RANBP3: variants seen among roughly 807,000 people sequenced by gnomAD.
RANBP3 encodes RAN binding protein 3, also known as ran-binding protein 3.
RANBP3 carries 14 observed loss-of-function variants against 77.3 expected under a neutral mutation model. That is an observed-to-expected ratio of 0.18 (90% CI 0.12 to 0.28). RANBP3 has a LOEUF of 0.28. Ranked by LOEUF, RANBP3 falls within the 10% of genes least tolerant of loss-of-function variation. RANBP3 has a pLI of 1.00. For missense variants in RANBP3, 586 were observed against 752.3 expected (o/e 0.78, Z 2.59); for synonymous variants, 315 against 312.4 (o/e 1.01, Z -0.09).
chr19:5,972,096 T>C (rs910871665), intron 1 of RANBP3, among the ~76,000 whole-genome samples: 3 of 152,258 alleles, frequency 2.0e-5, no homozygotes, highest in East Asian at 1.9e-4. Flanking sequence ...AAATTAAATA[T>C]GTCTGCTTGC....
intron 2 of RANBP3, 88 bp downstream of exon 2, chr19:5,957,830 T>C: frequency 2.1e-6 from 3 of 1,454,536 alleles, no homozygotes; most frequent in Non-Finnish European, 2.9e-6. Context: ...AGAAGTGGCC[T>C]TGGCAATGCG....
intron 5 of RANBP3, among the ~76,000 whole-genome samples, chr19:5,940,377 G>A (rs1292836590): frequency 1.3e-5 from 2 of 152,186 alleles, no homozygotes; most frequent in South Asian, 4.1e-4. Context: ...CCTATCCACA[G>A]GTGCAAAGAT....
In RANBP3 at chr19:5,923,182, C is replaced by T; in HGVS notation, c.1209+12G>A. The stretch of plus-strand genomic sequence containing the variant: ...AAGACCCAGGGCCACCGAGGAGGGG[C>T]CGGCCCCTCACCTGTAACACATTGC... On this transcript the variant is annotated intron_variant, in intron 13 of 16. Transcript: ENST00000340578. The T allele has an allele frequency of 1.2e-6, 2 of 1,611,198 alleles. No individual in the cohort carries two copies. Among genetic ancestry groups the T allele is most frequent in the East Asian group, 4.5e-5 (2 of 44,864 alleles).
intron 1 of RANBP3, among the ~76,000 whole-genome samples, chr19:5,963,974 T>G (rs2058434104): frequency 6.6e-6 from 1 of 150,432 alleles, no homozygotes; most frequent in Non-Finnish European, 1.5e-5. Context: ...CCAGGGAGAG[T>G]CCCCTGCTGC....
chr19:5,921,950 C>T lies in RANBP3; in HGVS notation c.1210-629G>A, dbSNP rs1229687085. Among the ~76,000 whole-genome samples, 1 of 152,122 alleles carries T rather than the reference C, an allele frequency of 6.6e-6. No homozygotes were observed. The highest frequency in any genetic ancestry group is 1.5e-5 in the Non-Finnish European group (1 of 68,034). ...AGCGAGAGAAGCCAGACACGAAAGG[C>T]CACATAGTGCGTTGATGCCATTTAT... On this transcript the variant is annotated intron_variant, in intron 13 of 16. Coordinates refer to ENST00000340578, the MANE Select transcript of RANBP3 (RefSeq NM_007322.3). The surrounding 1 kb of genome is among the most constrained non-coding windows in gnomAD (Gnocchi z 5.3).
At chr19:5,932,590 GCCCC>G in intron 6 of RANBP3, 46 bp from the exon 7 acceptor site, 2 of 1,511,978 alleles carry the variant, frequency 1.3e-6, no homozygotes, top group Non-Finnish European at 1.8e-6. Context: ...ACCCCTGCCT[GCCCC>G]CAGGCGCTTC....
chr19:5,942,548 CA>C (rs1258368261), intron 3 of RANBP3, among the ~76,000 whole-genome samples: 2 of 151,438 alleles, frequency 1.3e-5, no homozygotes, highest in African/African-American at 2.4e-5. Flanking sequence ...ACTAAAAATA[CA>C]AAAAAAAGTA....
rs71172783 is a variant in RANBP3 at position 5,937,056 on chromosome 19, C to CAAAAAAAAAAAAAAAAAAAAA, written c.407-3598_407-3578dup. On this transcript the variant is annotated intron_variant, in intron 5 of 16. Transcript: ENST00000340578. ...GGGCAACAGAGCAAGACTCTGTCTCCAAAAAAAAAAAAAAAAAAAAAAAAA... is the reference window on the plus strand; with the variant it reads ...GGGCAACAGAGCAAGACTCTGTCTCCAAAAAAAAAAAAAAAAAAAAAAAAAAAAAAAAAAAAAAAAAAAAAA... 2.3e-3 allele frequency among the ~76,000 whole-genome samples: 87 copies of CAAAAAAAAAAAAAAAAAAAAA among 37,172 alleles called. 7 individuals are homozygous for CAAAAAAAAAAAAAAAAAAAAA. Among genetic ancestry groups the CAAAAAAAAAAAAAAAAAAAAA allele is most frequent in the South Asian group, 6.1e-3 (3 of 488 alleles). The allele number at this position is 37,172 out of a possible 152,430, so 24.4% of individuals were successfully genotyped here.
intron 1 of RANBP3, among the ~76,000 whole-genome samples, chr19:5,961,481 C>G (rs1456572773): frequency 6.6e-6 from 1 of 151,820 alleles, no homozygotes; most frequent in Non-Finnish European, 1.5e-5. Flanking sequence ...GCCTGTAATC[C>G]CAGCATTTTG....
chr19:5,951,597 C>T lies in RANBP3; in HGVS notation c.79-1G>A. 2.5e-6 allele frequency: 4 copies of T among 1,612,532 alleles called. No individual in the cohort carries two copies. The highest frequency in any genetic ancestry group is 3.4e-6 in the Non-Finnish European group (4 of 1,179,344). On this transcript the variant is annotated splice_acceptor_variant, in intron 2 of 16. Coordinates refer to ENST00000340578, the MANE Select transcript of RANBP3 (RefSeq NM_007322.3). LOFTEE classifies it high-confidence loss of function. ...ACAAGTTTTTTTGCTCTGCAGGGGA[C>T]TGGGAGCAAAAAAGACAATTTTCCT... is the stretch of plus-strand genomic sequence containing the variant.
intron 8 of RANBP3, among the ~76,000 whole-genome samples, chr19:5,931,094 T>C (rs1357201636): frequency 6.6e-6 from 1 of 152,194 alleles, no homozygotes; most frequent in Non-Finnish European, 1.5e-5. Context: ...GTGAGACATG[T>C]GGCGGTCAGC....
At chr19:5,939,851 C>T (rs1361072059) in intron 5 of RANBP3, among the ~76,000 whole-genome samples, 1 of 152,246 alleles carries the variant, frequency 6.6e-6, no homozygotes, top group African/African-American at 2.4e-5. Context: ...GGGGCACCCC[C>T]TTGTCCCTGC....
At chr19:5,968,279 C>T (rs757512190) in intron 1 of RANBP3, among the ~76,000 whole-genome samples, 5 of 152,174 alleles carry the variant, frequency 3.3e-5, no homozygotes, top group Admixed American at 6.5e-5. Context: ...TACTGGAGAG[C>T]GCGGGCTCTG....
At chr19:5,918,758 C>T in intron 14 of RANBP3, 120 bp from the exon 15 acceptor site, 2 of 1,263,612 alleles carry the variant, frequency 1.6e-6, no homozygotes, top group Non-Finnish European at 2.2e-6. Context: ...GCCCATGATC[C>T]TCCCAGGACC....
chr19:5,951,243 C>T (rs535153478), intron 3 of RANBP3, 150 bp downstream of exon 3: 20 of 794,716 alleles, frequency 2.5e-5, no homozygotes, highest in Middle Eastern at 3.6e-4. Context: ...TGAATTAAAG[C>T]GAGCTGGAAG....
intron 1 of RANBP3, among the ~76,000 whole-genome samples, chr19:5,964,313 C>T (rs2058438101): frequency 6.6e-6 from 1 of 152,074 alleles, no homozygotes; most frequent in African/African-American, 2.4e-5. Flanking sequence ...GCTTGGCCTG[C>T]CCCCCCACCT....
chr19:5,944,900 C>T (rs2058184476), intron 3 of RANBP3, among the ~76,000 whole-genome samples: 1 of 152,238 alleles, frequency 6.6e-6, no homozygotes, highest in Non-Finnish European at 1.5e-5. Context: ...GGTGTCCTCC[C>T]TGGTCCTGGG....
chr19:5,963,233 A>C (rs1477951272), intron 1 of RANBP3, among the ~76,000 whole-genome samples: 11 of 152,154 alleles, frequency 7.2e-5, no homozygotes, highest in African/African-American at 2.4e-4. Context: ...CTGGAGATTG[A>C]CTTTACACAT....
At chr19:5,925,844 T>A in intron 9 of RANBP3, 107 bp from the exon 10 acceptor site, 8 of 849,204 alleles carry the variant, frequency 9.4e-6, no homozygotes, top group Admixed American at 4.1e-5. Context: ...CTCGGAGCCA[T>A]GAACCCTCTC....
Sources: gnomAD v4.1 joint callset for allele counts (sites outside exome capture counted in the v4.1 genomes callset) on GRCh38, gnomAD v4.1.1 for gene constraint, Gnocchi (gnomAD v3.1) non-coding constraint, MANE v1.5 for transcripts, NCBI Gene and HGNC (gene_info 2026-07-23, HGNC 2026-07-21) for gene names.